STX8: variants seen among roughly 807,000 people sequenced by gnomAD.
STX8 encodes the protein syntaxin 8, also known as syntaxin-8.
STX8 carries 23 observed loss-of-function variants against 37.5 expected under a neutral mutation model. That is an observed-to-expected ratio of 0.61 (90% CI 0.44 to 0.87). STX8 has a LOEUF of 0.87. Among genes scored for constraint, STX8 ranks in the 40% least tolerant of loss-of-function variants. The pLI is 0.00. For missense variants in STX8, 313 were observed against 284.7 expected (o/e 1.10, Z -0.71); for synonymous variants, 115 against 99.1 (o/e 1.16, Z -0.95).
At chr17:9,399,104 C>G (rs1273584357) in intron 6 of STX8, among the ~76,000 whole-genome samples, 3 of 150,180 alleles carry the variant, frequency 2.0e-5, no homozygotes, top group Non-Finnish European at 4.4e-5. Context: ...CACATACGGA[C>G]AGAGAAAATG....
chr17:9,551,082 A>C (rs1369148871), intron 3 of STX8, among the ~76,000 whole-genome samples: 1 of 152,240 alleles, frequency 6.6e-6, no homozygotes, highest in African/African-American at 2.4e-5. Context: ...TCTCAAAAAA[A>C]AATAGAATTT....
chr17:9,427,633 C>G (rs946588459), intron 6 of STX8, among the ~76,000 whole-genome samples: 10 of 152,108 alleles, frequency 6.6e-5, no homozygotes, highest in Non-Finnish European at 1.3e-4. Context: ...GTGGCTGCGG[C>G]TGCCTCGAGG....
intron 7 of STX8, among the ~76,000 whole-genome samples, chr17:9,287,836 T>G (rs1908134973): frequency 6.6e-6 from 1 of 151,858 alleles, no homozygotes; most frequent in South Asian, 2.1e-4. Flanking sequence ...CTGCAACCTC[T>G]GCCTTCTGGG....
chr17:9,330,605 G>T (rs1234553485), intron 7 of STX8, among the ~76,000 whole-genome samples: 1 of 152,242 alleles, frequency 6.6e-6, no homozygotes, highest in Non-Finnish European at 1.5e-5. Context: ...GGTCCCTCAG[G>T]AATGCCCGTG....
chr17:9,404,689 G>A (rs1374147235), intron 6 of STX8, among the ~76,000 whole-genome samples: 5 of 152,090 alleles, frequency 3.3e-5, no homozygotes, highest in Admixed American at 6.5e-5. Context: ...TCCTGACCTC[G>A]TGATCTGCCT....
intron 7 of STX8, among the ~76,000 whole-genome samples, chr17:9,364,150 G>A (rs922279791): frequency 6.6e-6 from 1 of 152,126 alleles, no homozygotes; most frequent in Non-Finnish European, 1.5e-5. Flanking sequence ...ATGAGCAATC[G>A]CAGGGTACAG....
chr17:9,305,491 T>C (rs1022100729), intron 7 of STX8: 1 of 152,194 alleles, frequency 6.6e-6, no homozygotes, highest in Non-Finnish European at 1.5e-5. Flanking sequence ...TAAGGTAAGC[T>C]AGGCTAAACT....
At chr17:9,297,657 C>T (rs1040002843) in intron 7 of STX8, among the ~76,000 whole-genome samples, 1 of 152,088 alleles carries the variant, frequency 6.6e-6, no homozygotes, top group Non-Finnish European at 1.5e-5. Flanking sequence ...TGCTTGAGCC[C>T]AAGAGTTCAA....
chr17:9,515,321 C>T lies in STX8; in HGVS notation c.324-10159G>A, dbSNP rs190077173. On this transcript the variant is annotated intron_variant, in intron 4 of 7. Coordinates refer to ENST00000306357, the MANE Select transcript of STX8 (RefSeq NM_004853.3). ...TTAGAACTTTAAAGCCTTTGGAAGACTATTTCATGTAGCAAGAGACAAACC... is the reference window on the plus strand; with the variant it reads ...TTAGAACTTTAAAGCCTTTGGAAGATTATTTCATGTAGCAAGAGACAAACC... Among the ~76,000 whole-genome samples the T allele has an allele frequency of 4.5e-4, 68 of 152,260 alleles. No individual in the cohort carries two copies. The East Asian group carries it at 0.01, about 23-fold the overall frequency.
At chr17:9,557,817 G>C (rs1443830544) in intron 2 of STX8, among the ~76,000 whole-genome samples, 1 of 152,140 alleles carries the variant, frequency 6.6e-6, no homozygotes. Context: ...CTCACCATCA[G>C]CTGAATCCTG....
chr17:9,494,297 G>A (rs927010063), intron 5 of STX8, among the ~76,000 whole-genome samples: 7 of 151,250 alleles, frequency 4.6e-5, no homozygotes, highest in African/African-American at 1.5e-4. Context: ...TTACAGGCGT[G>A]AGCCACCGCC....
chr17:9,400,811 AATCATGGATT>A (rs111975458), intron 6 of STX8, among the ~76,000 whole-genome samples: 134 of 152,356 alleles, frequency 8.8e-4, no homozygotes, highest in African/African-American at 3.0e-3. Context: ...TGTTGGTTAC[AATCATGGATT>A]ATCTAACTTC....
intron 4 of STX8, among the ~76,000 whole-genome samples, chr17:9,521,627 T>C (rs1222499242): frequency 6.6e-6 from 1 of 152,198 alleles, no homozygotes; most frequent in East Asian, 1.9e-4. Context: ...CTGAATATCT[T>C]CTATGTATCA....
chr17:9,362,843 A>AT (rs376224193), intron 7 of STX8, among the ~76,000 whole-genome samples: 2 of 141,920 alleles, frequency 1.4e-5, no homozygotes, highest in Admixed American at 7.1e-5. Context: ...AAAAAAAAAA[A>AT]TAAATAAATA....
chr17:9,261,209 TG>T (rs766999689), intron 7 of STX8, among the ~76,000 whole-genome samples: 1 of 152,180 alleles, frequency 6.6e-6, no homozygotes, highest in Non-Finnish European at 1.5e-5. Context: ...CACAGGACTC[TG>T]GTGAGGCCGC....
At chr17:9,489,180 T>C (rs1327553917) in intron 6 of STX8, among the ~76,000 whole-genome samples, 1 of 152,144 alleles carries the variant, frequency 6.6e-6, no homozygotes, top group Non-Finnish European at 1.5e-5. Flanking sequence ...CCCAGCCTTG[T>C]GTTGTTTTAA....
intron 6 of STX8, among the ~76,000 whole-genome samples, chr17:9,491,334 A>C (rs1906843602): frequency 6.6e-6 from 1 of 152,042 alleles, no homozygotes; most frequent in African/African-American, 2.4e-5. Context: ...TACACGTCTT[A>C]AACACTCCCC....
At chr17:9,281,980 C>T (rs1250485438) in intron 7 of STX8, among the ~76,000 whole-genome samples, 4 of 152,206 alleles carry the variant, frequency 2.6e-5, no homozygotes, top group African/African-American at 9.6e-5. Flanking sequence ...GAGGCCTCTC[C>T]ACCAGGGCCC....
At chr17:9,309,818 A>G (rs940329953) in intron 7 of STX8, among the ~76,000 whole-genome samples, 2 of 152,222 alleles carry the variant, frequency 1.3e-5, no homozygotes, top group African/African-American at 4.8e-5. Context: ...AATAAAACCA[A>G]TAACATATAA....
Sources: allele counts gnomAD v4.1 joint callset (sites outside exome capture counted in the v4.1 genomes callset), GRCh38; gene constraint gnomAD v4.1.1; transcripts MANE v1.5; gene names NCBI Gene and HGNC (gene_info 2026-07-23, HGNC 2026-07-21).